CDC42: variants seen among roughly 807,000 people sequenced by gnomAD.
CDC42 encodes the protein cell division cycle 42, also known as cell division control protein 42 homolog.
A neutral mutation model predicts 20.8 loss-of-function variants in CDC42; 1 was observed. That is an observed-to-expected ratio of 0.05 (90% CI 0.02 to 0.23). CDC42 has a LOEUF of 0.23. Among genes scored for constraint, CDC42 ranks in the 10% least tolerant of loss-of-function variants. The probability of loss-of-function intolerance (pLI) is 1.00; values close to 1 mark genes in which losing one functional copy is unlikely to be tolerated. For synonymous variants in CDC42, 72 were observed against 84.8 expected (o/e 0.85, Z 0.83); for missense variants, 49 against 227.9 (o/e 0.21, Z 5.05).
chr1:22,054,751 T>A (rs1645276484), intron 1 of CDC42, among the ~76,000 whole-genome samples: 1 of 151,712 alleles, frequency 6.6e-6, no homozygotes, highest in African/African-American at 2.4e-5. Context: ...GAAATACATT[T>A]GTTAGCCTTG....
At chr1:22,085,244 A>AAGAAAG (rs1553195980) in intron 3 of CDC42, among the ~76,000 whole-genome samples, 15 of 135,942 alleles carry the variant, frequency 1.1e-4, no homozygotes, top group South Asian at 2.3e-4. Flanking sequence ...AAAAAAAAAA[A>AAGAAAG]AAAAGAAAAA....
chr1:22,100,361 A>G lies in CDC42; in HGVS notation c.*8844A>G, dbSNP rs1645782636. On this transcript the variant is annotated 3_prime_UTR_variant, in exon 6 of 6. Coordinates refer to ENST00000656825, the MANE Select transcript of CDC42 (RefSeq NM_001791.4). The stretch of plus-strand genomic sequence containing the variant: ...AGGGATGGATGATGTCATTTGTCAA[A>G]TGGTAAAACTGAGGCGAAACAACTT... Among the ~76,000 whole-genome samples, 1 of 152,216 alleles carries G rather than the reference A, an allele frequency of 6.6e-6. No homozygotes were observed. Among genetic ancestry groups the G allele is most frequent in the African/African-American group, 2.4e-5 (1 of 41,456 alleles).
At chr1:22,059,588 A>T (rs1433732449) in intron 1 of CDC42, 1 of 151,660 alleles carries the variant, frequency 6.6e-6, no homozygotes. Flanking sequence ...TCTGTTGCCC[A>T]GGCTGGAGTG....
intron 2 of CDC42, among the ~76,000 whole-genome samples, chr1:22,080,820 TAAAG>T (rs1331610849): frequency 6.6e-6 from 1 of 152,212 alleles, no homozygotes; most frequent in East Asian, 1.9e-4. Flanking sequence ...AGCATCTTGT[TAAAG>T]AAGATGTCTT....
rs140287958 is a variant in CDC42, at chr1:22,098,272, C to G, written c.*6755C>G. The stretch of plus-strand genomic sequence containing the variant: ...GCCTCATTATCTGTAAAATTGCATA[C>G]TTAGTTATCATTGAGGTCTCAAATG... On this transcript the variant is annotated 3_prime_UTR_variant, in exon 6 of 6. Coordinates refer to ENST00000656825, the MANE Select transcript of CDC42 (RefSeq NM_001791.4). 3.3e-5 allele frequency among the ~76,000 whole-genome samples: 5 copies of G among 151,902 alleles called. No individual in the cohort carries two copies. Among genetic ancestry groups the G allele is most frequent in the Non-Finnish European group, 7.4e-5 (5 of 68,012 alleles).
At chr1:22,056,407 A>G (rs12070733) in intron 1 of CDC42, among the ~76,000 whole-genome samples, 1,686 of 152,248 alleles carry the variant, frequency 0.011, 29 homozygotes, top group African/African-American at 0.038. Context: ...TGTGATGACT[A>G]CTAGTTCTCT....
In CDC42 at chr1:22,086,394, A is replaced by G. The variant is rs1231974473; in HGVS notation, c.179-45A>G. 2.2e-6 allele frequency: 3 copies of G among 1,334,276 alleles called. 1 individual carries two copies. The highest frequency in any genetic ancestry group is 2.9e-5 in the African/African-American group (2 of 68,560). The allele number at this position is 1,334,276 out of a possible 1,614,324, so 82.7% of individuals were successfully genotyped here. ...ATGCTTTTAACACTTTGAGGACACC[A>G]AGATTCAGTTGCTGAATTCTCTCCA... On this transcript the variant is annotated intron_variant, in intron 3 of 5. Coordinates refer to ENST00000656825, the MANE Select transcript of CDC42 (RefSeq NM_001791.4).
rs1645738906 is a variant in CDC42 at position 22,093,959 on chromosome 1, G to T, written c.*2442G>T. Among the ~76,000 whole-genome samples the T allele has an allele frequency of 6.6e-6, 1 of 152,210 alleles. No homozygotes were observed. The highest frequency in any genetic ancestry group is 2.1e-4 in the South Asian group (1 of 4,836). On this transcript the variant is annotated 3_prime_UTR_variant, in exon 6 of 6. Coordinates refer to ENST00000656825, the MANE Select transcript of CDC42 (RefSeq NM_001791.4). ...ACAGTTGTGTCAACGAATTATCCGT[G>T]TATCAGAAGAACAAGGATGATGGGG...
At chr1:22,081,314 C>T (rs1645605435) in intron 2 of CDC42, among the ~76,000 whole-genome samples, 1 of 152,084 alleles carries the variant, frequency 6.6e-6, no homozygotes, top group Admixed American at 6.5e-5. Flanking sequence ...GGTCATGGAT[C>T]TAGGATATTT....
chr1:22,078,956 T>C, intron 2 of CDC42: 1 of 772,444 alleles, frequency 1.3e-6, no homozygotes, highest in Non-Finnish European at 1.7e-6. Context: ...GGGATACCAT[T>C]TGAGGTCCTG....
chr1:22,096,384 C>T lies in CDC42; in HGVS notation c.*4867C>T, dbSNP rs1645758595. Among the ~76,000 whole-genome samples, 1 of 152,024 alleles carries T rather than the reference C, an allele frequency of 6.6e-6. No homozygotes were observed. Among genetic ancestry groups the T allele is most frequent in the Non-Finnish European group, 1.5e-5 (1 of 68,002 alleles). ...TGACTTCTACTTGGAATTTTCTTTC[C>T]CTTACAGTTTTGATAGCTGCTTTCT... On this transcript the variant is annotated 3_prime_UTR_variant, in exon 6 of 6. Transcript: ENST00000656825.
chr1:22,061,946 C>A (rs913229543), intron 1 of CDC42, among the ~76,000 whole-genome samples: 3 of 150,656 alleles, frequency 2.0e-5, no homozygotes, highest in Non-Finnish European at 3.0e-5. Flanking sequence ...TTATTTATTT[C>A]TTTTTTTTGG....
chr1:22,099,899 GT>G lies in CDC42; in HGVS notation c.*8383del. Among the ~76,000 whole-genome samples the G allele has an allele frequency of 2.1e-3, 2 of 966 alleles. No homozygotes were observed. The highest frequency in any genetic ancestry group is 0.025 in the Admixed American group (2 of 80). 0.6% of individuals were successfully genotyped at this position (966 alleles called of 152,430 possible). On this transcript the variant is annotated 3_prime_UTR_variant, in exon 6 of 6. Transcript: ENST00000656825. ...TGAGGCATGTTATGATACAAAGCTT[GT>G]CCAAGAATTCAGAGCTAGCTTGTCC...
chr1:22,058,112 C>T (rs1338061379), intron 1 of CDC42, among the ~76,000 whole-genome samples: 2 of 152,132 alleles, frequency 1.3e-5, no homozygotes, highest in Non-Finnish European at 2.9e-5. Flanking sequence ...AGTCTGTGGA[C>T]CCATCAGCAT....
chr1:22,086,022 T>A (rs1030545250), intron 3 of CDC42, among the ~76,000 whole-genome samples: 1 of 152,166 alleles, frequency 6.6e-6, no homozygotes, highest in Non-Finnish European at 1.5e-5. Context: ...ATTTTTATAT[T>A]TTTAGTAGAG....
rs761486028 is a variant in CDC42 at position 22,078,582 on chromosome 1, CTG to C, written c.105+1_105+2del. 6.2e-7 allele frequency: 1 copy of C among 1,604,958 alleles called. No homozygotes were observed. Among genetic ancestry groups the C allele is most frequent in the Non-Finnish European group, 8.5e-7 (1 of 1,173,888 alleles). ...AAATTTCCATCGGAATATGTACCGA[CTG>C]TAAGTATAAAGGCTTCCTTCTGTTA... is the stretch of plus-strand genomic sequence containing the variant. On this transcript the variant is annotated splice_donor_variant and coding_sequence_variant, in exon 2 of 6. Coordinates refer to ENST00000656825, the MANE Select transcript of CDC42 (RefSeq NM_001791.4). LOFTEE classifies it high-confidence loss of function.
At chr1:22,087,700 G>A (rs1022195160) in intron 5 of CDC42, among the ~76,000 whole-genome samples, 4 of 152,188 alleles carry the variant, frequency 2.6e-5, no homozygotes, top group Admixed American at 2.6e-4. Flanking sequence ...GCCTAATAGG[G>A]CAAGATTGAA....
chr1:22,055,597 C>G (rs899506465), intron 1 of CDC42, among the ~76,000 whole-genome samples: 6 of 151,846 alleles, frequency 4.0e-5, no homozygotes, highest in Non-Finnish European at 7.4e-5. Flanking sequence ...TCAACTGATC[C>G]TTCCACCTCA....
intron 5 of CDC42, among the ~76,000 whole-genome samples, chr1:22,087,862 C>T (rs1481013533): frequency 6.6e-6 from 1 of 152,196 alleles, no homozygotes; most frequent in Non-Finnish European, 1.5e-5. Context: ...TTACTTATTA[C>T]ATATGCACTA....
Sources: gnomAD v4.1 joint callset for allele counts (sites outside exome capture counted in the v4.1 genomes callset) on GRCh38, gnomAD v4.1.1 for gene constraint, MANE v1.5 for transcripts, NCBI Gene and HGNC (gene_info 2026-07-23, HGNC 2026-07-21) for gene names.